Variants in CECR2 observed in about 807,000 individuals in gnomAD.
CECR2 encodes chromatin remodeling regulator CECR2.
Under a neutral mutation model 154.5 loss-of-function variants are expected in CECR2, and 30 were observed. That is an observed-to-expected ratio of 0.19 (90% CI 0.15 to 0.26). The LOEUF is 0.26. CECR2 is among the 10% of genes least tolerant of loss of function. CECR2 has a pLI of 1.00. For missense variants in CECR2, 1,743 were observed against 1,829.3 expected, an observed-to-expected ratio of 0.95 and a Z score of 0.86; for synonymous variants, 725 against 683.7, an observed-to-expected ratio of 1.06 and a Z score of -0.94.
intron 8 of CECR2, chr22:17,518,574 T>G (rs2056101085): frequency 3.1e-6 from 1 of 323,828 alleles, no homozygotes; most frequent in African/African-American, 2.2e-5. Context: ...ACTGTCTTCC[T>G]TCCATTGCAG....
rs752214014 is a variant in CECR2 at position 17,548,688 on chromosome 22, A to T, written c.3401A>T (p.His1134Leu). Residue 1134 changes from histidine (H) to leucine (L), a missense_variant, in exon 17 of 19, where the codon CAC becomes CTC. This residue lies in a region of CECR2 where 1,250 missense variants were observed against 1,192.1 expected (regional missense o/e 1.05). Transcript: ENST00000262608. Reference sequence around the variant, plus strand: ...TACCCGAATTCAGCTGCCCATTACCACATCAGTCCAGGCCTGCAGGGTGTG... The same window carrying T: ...TACCCGAATTCAGCTGCCCATTACCTCATCAGTCCAGGCCTGCAGGGTGTG... Reference protein sequence around the residue: ...LEYPNSAAHYHISPGLQGVGP... With the variant: ...LEYPNSAAHYLISPGLQGVGP... 9 of 1,613,318 alleles carry T rather than the reference A, an allele frequency of 5.6e-6. No homozygotes were observed. Among genetic ancestry groups the T allele is most frequent in the Non-Finnish European group, 7.6e-6 (9 of 1,179,672 alleles).
At chr22:17,437,618 C>T (rs566649428) in intron 1 of CECR2, among the ~76,000 whole-genome samples, 48 of 152,282 alleles carry the variant, frequency 3.2e-4, no homozygotes, top group Middle Eastern at 3.4e-3. Flanking sequence ...TTACTGTAGA[C>T]ATACTTTGTA....
intron 1 of CECR2, among the ~76,000 whole-genome samples, chr22:17,466,666 C>A (rs2055038111): frequency 6.7e-6 from 1 of 150,284 alleles, no homozygotes; most frequent in African/African-American, 2.5e-5. Flanking sequence ...ACTATCTCAG[C>A]TCACTTCAGC....
upstream of CECR2, among the ~76,000 whole-genome samples, chr22:17,367,672 C>A (rs1362614547): frequency 1.3e-5 from 2 of 152,060 alleles, no homozygotes; most frequent in Non-Finnish European, 2.9e-5. Context: ...CAGGCGTAAG[C>A]CACCGCGCCC....
chr22:17,512,725 G>A (rs113524501), intron 8 of CECR2, among the ~76,000 whole-genome samples: 10 of 113,226 alleles, frequency 8.8e-5, no homozygotes, highest in African/African-American at 2.6e-4. Flanking sequence ...AAAAAAAAAA[G>A]AAAGAAAGAA....
chr22:17,447,652 T>TA (rs5844311), intron 1 of CECR2, among the ~76,000 whole-genome samples: 37,733 of 134,056 alleles, frequency 0.28, 6,527 homozygotes, highest in East Asian at 0.56. Context: ...CCCAGAGACT[T>TA]AAAAAAAAAA....
At chr22:17,452,878 A>T (rs1221107318) in intron 1 of CECR2, among the ~76,000 whole-genome samples, 3 of 152,120 alleles carry the variant, frequency 2.0e-5, no homozygotes, top group Non-Finnish European at 4.4e-5. Context: ...CACTCATCAC[A>T]TCTTACACAC....
intron 9 of CECR2, among the ~76,000 whole-genome samples, chr22:17,531,014 A>G (rs911718208): frequency 2.0e-5 from 3 of 152,138 alleles, no homozygotes; most frequent in African/African-American, 7.2e-5. Context: ...TTACACACTT[A>G]ATGCTACTGA....
At chr22:17,501,839 T>G (rs573217218) in intron 5 of CECR2, among the ~76,000 whole-genome samples, 1 of 152,302 alleles carries the variant, frequency 6.6e-6, no homozygotes, top group Admixed American at 6.5e-5. Flanking sequence ...GACTGTAGAA[T>G]CATTTTAACA....
Position 17,539,095 on chromosome 22 carries a change from C to A in CECR2, c.1471C>A (p.Arg491=). 6.2e-7 allele frequency: 1 copy of A among 1,613,482 alleles called. No homozygotes were observed. The highest frequency in any genetic ancestry group is 1.1e-5 in the South Asian group (1 of 90,994). The change falls in exon 13 of 19, where the codon CGA becomes AGA. Residue 491 remains arginine (R), a synonymous_variant. Coordinates refer to ENST00000262608, the MANE Select transcript of CECR2 (RefSeq NM_001290047.2). ...NDMKTMFRNC[R]KYNGESSEYT... ...CATGAAGACCATGTTCAGGAATTGT[C>A]GAAAGTATAATGGGGAAAGTAGTGG...
chr22:17,477,981 T>G (rs1018106187), intron 2 of CECR2, among the ~76,000 whole-genome samples: 11 of 152,218 alleles, frequency 7.2e-5, no homozygotes, highest in African/African-American at 2.7e-4. Flanking sequence ...CATTTTCTGA[T>G]TTTGCAGTAT....
At chr22:17,405,207 C>A (rs573350683) in intron 1 of CECR2, among the ~76,000 whole-genome samples, 5 of 152,142 alleles carry the variant, frequency 3.3e-5, no homozygotes, top group Admixed American at 3.3e-4. Context: ...GTCAGGAGTT[C>A]AAGACCAGCC....
intron 1 of CECR2, among the ~76,000 whole-genome samples, chr22:17,474,600 G>A (rs5992059): frequency 0.038 from 5,745 of 152,290 alleles, 371 homozygotes; most frequent in African/African-American, 0.13. Flanking sequence ...ATTCTAGCTA[G>A]AACCTAGGCA....
intron 1 of CECR2, among the ~76,000 whole-genome samples, chr22:17,407,692 C>G (rs998743075): frequency 2.6e-5 from 4 of 152,116 alleles, no homozygotes; most frequent in Non-Finnish European, 5.9e-5. Flanking sequence ...GGCACCCTGT[C>G]TAACAGTGGT....
At chr22:17,467,808 A>AGAGT (rs1382031058) in intron 1 of CECR2, among the ~76,000 whole-genome samples, 1 of 152,006 alleles carries the variant, frequency 6.6e-6, no homozygotes, top group Non-Finnish European at 1.5e-5. Context: ...AGAGAGAGAG[A>AGAGT]GTGGAGACTA....
intron 7 of CECR2, among the ~76,000 whole-genome samples, chr22:17,511,191 A>G (rs993538414): frequency 1.4e-4 from 21 of 152,232 alleles, no homozygotes; most frequent in African/African-American, 4.3e-4. Flanking sequence ...CAAAACTTAC[A>G]TGTGCTAATA....
chr22:17,460,832 G>T (rs2146730573), intron 1 of CECR2, among the ~76,000 whole-genome samples: 1 of 152,324 alleles, frequency 6.6e-6, no homozygotes, highest in Non-Finnish European at 1.5e-5. Context: ...TTGGGGTGTA[G>T]GGGAAGGAAA....
chr22:17,531,233 G>C lies in CECR2; in HGVS notation c.1109-5870G>C, dbSNP rs554297443. On this transcript the variant is annotated intron_variant, in intron 9 of 18. Coordinates refer to ENST00000262608, the MANE Select transcript of CECR2 (RefSeq NM_001290047.2). ...AAAAGGTTAAAGGGATCCCCGTGGT[G>C]ACACAGACGGAGGAATCGGGATTGT... Among the ~76,000 whole-genome samples, 9 of 152,202 alleles carry C rather than the reference G, an allele frequency of 5.9e-5. No individual in the cohort carries two copies. In the East Asian group the frequency reaches 1.7e-3, roughly 29 times the overall value.
At chr22:17,504,476 G>A (rs948965758) in intron 6 of CECR2, among the ~76,000 whole-genome samples, 4 of 150,772 alleles carry the variant, frequency 2.7e-5, no homozygotes, top group East Asian at 1.9e-4. Context: ...TCACTCTGTC[G>A]CCCAGGCTGG....
Sources: allele counts gnomAD v4.1 joint callset (sites outside exome capture counted in the v4.1 genomes callset), GRCh38; gene constraint gnomAD v4.1.1; regional missense constraint gnomAD v4.1.1; transcripts MANE v1.5; gene names NCBI Gene and HGNC (gene_info 2026-07-23, HGNC 2026-07-21).